Variants in SRPX2 observed in about 807,000 individuals in gnomAD.
SRPX2 encodes the protein sushi repeat-containing protein SRPX2.
SRPX2 carries 26 observed loss-of-function variants against 45.3 expected under a neutral mutation model. That is an observed-to-expected ratio of 0.57 (90% CI 0.42 to 0.80). SRPX2 has a LOEUF of 0.80. Ranked by LOEUF, SRPX2 falls within the 30% of genes least tolerant of loss-of-function variation. The pLI is 0.00. For synonymous variants in SRPX2, 125 were observed against 143.7 expected (o/e 0.87, Z 0.93); for missense variants, 355 against 399.8 (o/e 0.89, Z 0.95).
chrX:100,665,594 C>T lies in SRPX2; in HGVS notation c.718C>T (p.Arg240Cys), dbSNP rs1556013503. ...SHFPEGEHVI[R>C]YTAYDRAYNR... ...CTTTCCCGAAGGAGAGCATGTGATT[C>T]GTTACACTGCCTATGACCGAGCCTA... The change falls in exon 7 of 11, where the codon CGT becomes TGT. Residue 240 changes from arginine to cysteine, a missense_variant. By Grantham distance (180) the Arg-to-Cys change is radical. Coordinates refer to ENST00000373004, the MANE Select transcript of SRPX2 (RefSeq NM_014467.3). The T allele has an allele frequency of 1.7e-6, 2 of 1,211,870 alleles. No homozygotes were observed. The highest frequency in any genetic ancestry group is 2.2e-6 in the Non-Finnish European group (2 of 895,522).
chrX:100,669,300 G>A lies in SRPX2; in HGVS notation c.1148G>A (p.Gly383Glu), dbSNP rs746275364. Residue 383 changes from glycine (G) to glutamate (E), a missense_variant, in exon 10 of 11, where the codon GGA becomes GAA. Gly to Glu is a moderately conservative substitution (Grantham distance 98). Coordinates refer to ENST00000373004, the MANE Select transcript of SRPX2 (RefSeq NM_014467.3). ...LRHVTIIELV[G>E]QPPQEVGRIR... is the part of the protein sequence containing the mutation. Reference sequence around the variant, plus strand: ...CATGTGACCATCATTGAACTGGTGGGACAGCCACCTCAGGAGGTGGGGCGC... The same window carrying A: ...CATGTGACCATCATTGAACTGGTGGAACAGCCACCTCAGGAGGTGGGGCGC... The A allele has an allele frequency of 1.7e-6, 2 of 1,201,044 alleles. No individual in the cohort carries two copies. Among genetic ancestry groups the A allele is most frequent in the Admixed American group, 4.4e-5 (2 of 45,125 alleles).
chrX:100,659,972 T>G (rs1292427533), intron 3 of SRPX2, among the ~76,000 whole-genome samples: 1 of 109,766 alleles, frequency 9.1e-6, no homozygotes, highest in Non-Finnish European at 1.9e-5. Flanking sequence ...AAGAGTCATT[T>G]ATTTTGTATA....
chrX:100,671,157 A>G lies in SRPX2; in HGVS notation c.*170A>G. ...CCAGGCATCCTTTTAGGACTGTGTA[A>G]TAGTTTCCCTAGAAGCTAGGTAGGG... On this transcript the variant is annotated 3_prime_UTR_variant, in exon 11 of 11. Transcript: ENST00000373004. The G allele has an allele frequency of 1.8e-6, 1 of 559,067 alleles. No individual in the cohort carries two copies. Among genetic ancestry groups the G allele is most frequent in the Admixed American group, 2.8e-5 (1 of 36,127 alleles). 46.1% of individuals were successfully genotyped at this position (559,067 alleles called of 1,213,427 possible).
intron 7 of SRPX2, among the ~76,000 whole-genome samples, chrX:100,666,280 A>G (rs1459395756): frequency 1.8e-5 from 2 of 112,219 alleles, no homozygotes; most frequent in Non-Finnish European, 3.8e-5. Flanking sequence ...TAACAAAGTA[A>G]TTTTCCCATG....
intron 2 of SRPX2, among the ~76,000 whole-genome samples, chrX:100,648,344 C>T (rs2083141656): frequency 9.0e-6 from 1 of 111,496 alleles, no homozygotes; most frequent in Admixed American, 9.5e-5. Context: ...AAGGGCAGTG[C>T]TTAGAGGGCC....
intron 3 of SRPX2, among the ~76,000 whole-genome samples, chrX:100,655,502 C>T (rs1451880280): frequency 9.0e-6 from 1 of 111,524 alleles, no homozygotes; most frequent in Admixed American, 9.5e-5. Context: ...ATCTATTCAA[C>T]AAGGTCAGTG....
intron 2 of SRPX2, 60 bp downstream of exon 2, chrX:100,646,464 T>C: frequency 9.7e-7 from 1 of 1,031,472 alleles, no homozygotes; most frequent in South Asian, 1.9e-5. Flanking sequence ...GACCAAGACT[T>C]GGAGAAGGAA....
chrX:100,662,924 G>A (rs1053945267), intron 4 of SRPX2, among the ~76,000 whole-genome samples: 1 of 112,126 alleles, frequency 8.9e-6, no homozygotes, highest in Non-Finnish European at 1.9e-5. Flanking sequence ...TAGCCTTTTA[G>A]CAGCTGAACT....
chrX:100,648,310 T>G (rs1487715576), intron 2 of SRPX2, among the ~76,000 whole-genome samples: 3 of 112,110 alleles, frequency 2.7e-5, no homozygotes, highest in African/African-American at 6.5e-5. Flanking sequence ...AACTATCAAT[T>G]ACATGTCTAA....
rs2083252562 is a variant in SRPX2, at chrX:100,674,891, T to C, written c.*3904T>C. On this transcript the variant is annotated 3_prime_UTR_variant, in exon 11 of 11. Coordinates refer to ENST00000373004, the MANE Select transcript of SRPX2 (RefSeq NM_014467.3). ...ACACTACACCCATGTAATATGTAGG[T>C]CAAATTTAGGAAACAATAGCAAAAA... The C allele has an allele frequency of 9.0e-6, 1 of 111,531 alleles. No homozygotes were observed. The highest frequency in any genetic ancestry group is 1.9e-5 in the Non-Finnish European group (1 of 53,098). The allele number at this position is 111,531 out of a possible 1,213,427, so 9.2% of individuals were successfully genotyped here. A position where few individuals can be genotyped will look rare whatever the true frequency, so the allele number is the denominator to read the frequency against.
intron 4 of SRPX2, among the ~76,000 whole-genome samples, chrX:100,663,767 A>C (rs1308232325): frequency 1.8e-5 from 2 of 112,467 alleles, no homozygotes; most frequent in African/African-American, 6.5e-5. Context: ...CAATTAATCC[A>C]TGGTGACAGG....
At chrX:100,668,334 A>G (rs796217114) in intron 9 of SRPX2, among the ~76,000 whole-genome samples, 48 of 53,556 alleles carry the variant, frequency 9.0e-4, no homozygotes, top group African/African-American at 3.3e-3. Flanking sequence ...TTACAAAAAA[A>G]AAAAAAAAGA....
In SRPX2 at chrX:100,675,167, T is replaced by A. The variant is rs1248233982; in HGVS notation, c.*4180T>A. On this transcript the variant is annotated 3_prime_UTR_variant, in exon 11 of 11. Transcript: ENST00000373004. ...ATCTTTCATTCGAGAAATGAGGAGC[T>A]CTCTCTCCAATGACTGCAGTATCAG... is the stretch of plus-strand genomic sequence containing the variant. 1 of 112,329 alleles carries A rather than the reference T, an allele frequency of 8.9e-6. No individual in the cohort carries two copies. Among genetic ancestry groups the A allele is most frequent in the East Asian group, 2.8e-4 (1 of 3,584 alleles). 9.3% of individuals were successfully genotyped at this position (112,329 alleles called of 1,213,427 possible).
chrX:100,672,470 C>T lies in SRPX2; in HGVS notation c.*1483C>T, dbSNP rs918170448. ...TGACTCCGAAGCCTTCACAAGAACC[C>T]TATGAGGTAGGTACTGTTATTAACC... On this transcript the variant is annotated 3_prime_UTR_variant, in exon 11 of 11. Coordinates refer to ENST00000373004, the MANE Select transcript of SRPX2 (RefSeq NM_014467.3). 2.7e-5 allele frequency: 3 copies of T among 112,356 alleles called. No individual in the cohort carries two copies. The highest frequency in any genetic ancestry group is 5.6e-5 in the Non-Finnish European group (3 of 53,252). 9.3% of individuals were successfully genotyped at this position (112,356 alleles called of 1,213,427 possible).
intron 1 of SRPX2, among the ~76,000 whole-genome samples, chrX:100,645,892 G>A (rs1422890985): frequency 8.9e-6 from 1 of 111,782 alleles, no homozygotes; most frequent in Non-Finnish European, 1.9e-5. Context: ...TTGAATGAAT[G>A]AAACCTAATG....
rs1465199329 is a variant in SRPX2 at position 100,675,337 on chromosome X, A to G, written c.*4350A>G. The G allele has an allele frequency of 2.7e-5, 3 of 112,687 alleles. No individual in the cohort carries two copies. Among genetic ancestry groups the G allele is most frequent in the Non-Finnish European group, 5.6e-5 (3 of 53,368 alleles). 9.3% of individuals were successfully genotyped at this position (112,687 alleles called of 1,213,427 possible). On this transcript the variant is annotated 3_prime_UTR_variant, in exon 11 of 11. Coordinates refer to ENST00000373004, the MANE Select transcript of SRPX2 (RefSeq NM_014467.3). ...TCTAATTAAAGTGCTTTTCAAAAGC[A>G]GCTCCATTATAAGAGTCCCCCAAAG...
At chrX:100,657,084 C>T (rs1012283280) in intron 3 of SRPX2, among the ~76,000 whole-genome samples, 68 of 108,847 alleles carry the variant, frequency 6.2e-4, no homozygotes, top group African/African-American at 1.9e-3. Context: ...CCCGCCACCA[C>T]GCCCAGCTAA....
intron 10 of SRPX2, among the ~76,000 whole-genome samples, chrX:100,670,590 A>G (rs1007857161): frequency 9.0e-6 from 1 of 111,521 alleles, no homozygotes; most frequent in Non-Finnish European, 1.9e-5. Context: ...AGGAAGGGAC[A>G]GCTTAGCAGA....
At chrX:100,669,769 C>CT (rs3086931) in intron 10 of SRPX2, among the ~76,000 whole-genome samples, 3,814 of 61,567 alleles carry the variant, frequency 0.062, 325 homozygotes, top group African/African-American at 0.19. Flanking sequence ...CAAAAGCCAT[C>CT]TTTTTTTTTT....
Sources: allele counts gnomAD v4.1 joint callset (sites outside exome capture counted in the v4.1 genomes callset), GRCh38; gene constraint gnomAD v4.1.1; transcripts MANE v1.5; gene names NCBI Gene and HGNC (gene_info 2026-07-23, HGNC 2026-07-21).